Variants in MYL12B observed in about 807,000 individuals in gnomAD.
The protein encoded by MYL12B is myosin regulatory light chain 12B.
A neutral mutation model predicts 12.9 loss-of-function variants in MYL12B; 3 were observed. The ratio of observed to expected loss-of-function variants is 0.23; its 90% CI spans 0.11 to 0.60. The LOEUF (loss-of-function observed/expected upper bound fraction) is 0.60, where lower values mean the gene tolerates loss of function less well. MYL12B is among the 20% of genes least tolerant of loss of function. MYL12B has a pLI of 0.89. For synonymous variants in MYL12B, 57 were observed against 71.9 expected (o/e 0.79, Z 1.05); for missense variants, 120 against 215.4 (o/e 0.56, Z 2.77).
Position 3,277,595 on chromosome 18 carries a change from A to G in MYL12B, c.347-170A>G, listed in dbSNP as rs572040673. Among the ~76,000 whole-genome samples, 245 of 152,362 alleles carry G rather than the reference A, an allele frequency of 1.6e-3. 2 individuals are homozygous for G. Among genetic ancestry groups the G allele is most frequent in the African/African-American group, 5.5e-3 (227 of 41,580 alleles). ...CTAATATTAACACAGAACTCTAAGA[A>G]TAATTGGAAAACATAATGATATAGT... On this transcript the variant is annotated intron_variant, in intron 3 of 3. Coordinates refer to ENST00000237500, the MANE Select transcript of MYL12B (RefSeq NM_033546.4).
intron 1 of MYL12B, among the ~76,000 whole-genome samples, chr18:3,264,686 A>G (rs1235305146): frequency 1.3e-5 from 2 of 152,174 alleles, no homozygotes; most frequent in Admixed American, 6.5e-5. Context: ...CCAATAAGAG[A>G]GGTGAATTTC....
intron 2 of MYL12B, among the ~76,000 whole-genome samples, 176 bp downstream of exon 2, chr18:3,273,258 T>G (rs2081697750): frequency 6.6e-6 from 1 of 152,184 alleles, no homozygotes; most frequent in African/African-American, 2.4e-5. Context: ...GAGATAAGCC[T>G]ACAAGGTTGG....
At chr18:3,274,465 A>AT (rs1555636162) in intron 2 of MYL12B, among the ~76,000 whole-genome samples, 3 of 152,142 alleles carry the variant, frequency 2.0e-5, no homozygotes, top group African/African-American at 4.8e-5. Flanking sequence ...GAATCAGGTA[A>AT]CCCCAGAATC....
At chr18:3,270,361 C>CTA (rs1317040075) in intron 1 of MYL12B, among the ~76,000 whole-genome samples, 1 of 152,124 alleles carries the variant, frequency 6.6e-6, no homozygotes, top group Non-Finnish European at 1.5e-5. Context: ...TACATTGAGC[C>CTA]TATATCTGCT....
chr18:3,268,155 A>G (rs1001343964), intron 1 of MYL12B, among the ~76,000 whole-genome samples: 1 of 152,224 alleles, frequency 6.6e-6, no homozygotes, highest in Non-Finnish European at 1.5e-5. Context: ...TCCCCCTCAG[A>G]TAAGGAGGGA....
intron 1 of MYL12B, among the ~76,000 whole-genome samples, chr18:3,263,620 ATT>A (rs2081613090): frequency 6.6e-6 from 1 of 152,248 alleles, no homozygotes; most frequent in Admixed American, 6.5e-5. Context: ...AAAGAACAGG[ATT>A]TAGAGCCCCG....
At chr18:3,264,221 T>C (rs1294518034) in intron 1 of MYL12B, among the ~76,000 whole-genome samples, 2 of 152,240 alleles carry the variant, frequency 1.3e-5, no homozygotes, top group Non-Finnish European at 2.9e-5. Context: ...AATGAACATA[T>C]ATGTGTAATT....
chr18:3,267,179 A>G (rs1182618916), intron 1 of MYL12B, among the ~76,000 whole-genome samples: 1 of 152,228 alleles, frequency 6.6e-6, no homozygotes, highest in South Asian at 2.1e-4. Context: ...TATAGGCATC[A>G]CTTTTTTGAA....
At chr18:3,277,147 C>A in intron 2 of MYL12B, 106 bp from the exon 3 acceptor site, 2 of 1,266,390 alleles carry the variant, frequency 1.6e-6, no homozygotes, top group South Asian at 2.4e-5. Context: ...AAATTAGTTT[C>A]AAATGATGTA....
intron 1 of MYL12B, among the ~76,000 whole-genome samples, chr18:3,269,550 A>G (rs1475602785): frequency 6.6e-6 from 1 of 152,168 alleles, no homozygotes; most frequent in Non-Finnish European, 1.5e-5. Flanking sequence ...AGTTTTCAGC[A>G]TGTTGATTAT....
intron 1 of MYL12B, among the ~76,000 whole-genome samples, chr18:3,268,106 A>G (rs2081648420): frequency 6.6e-6 from 1 of 152,216 alleles, no homozygotes; most frequent in African/African-American, 2.4e-5. Flanking sequence ...GTTGGGTACT[A>G]TCCCTGGTTT....
At chr18:3,273,104 T>A in intron 2 of MYL12B, 22 bp downstream of exon 2, 1 of 1,539,882 alleles carries the variant, frequency 6.5e-7, no homozygotes, top group Non-Finnish European at 8.8e-7. Context: ...ATTCTTTATT[T>A]GTATTTTCCC....
At chr18:3,263,951 C>T (rs1482796795) in intron 1 of MYL12B, among the ~76,000 whole-genome samples, 3 of 152,182 alleles carry the variant, frequency 2.0e-5, no homozygotes, top group Non-Finnish European at 2.9e-5. Flanking sequence ...ATTTTCGTAT[C>T]TGAGAGAAGA....
At position 3,265,867 on chromosome 18, in the gene MYL12B, A is replaced by G. The variant is rs548537962; in HGVS notation, c.-16+3630A>G. Among the ~76,000 whole-genome samples, 19 of 152,198 alleles carry G rather than the reference A, an allele frequency of 1.2e-4. 1 individual carries two copies. In the South Asian group the frequency reaches 3.5e-3, roughly 28 times the overall value. ...GAAGGGTGACTCGTGCAGTAAAGAGAAGAACCTACAGAACTTGGATGGAAA... is the reference window on the plus strand; with the variant it reads ...GAAGGGTGACTCGTGCAGTAAAGAGGAGAACCTACAGAACTTGGATGGAAA... On this transcript the variant is annotated intron_variant, in intron 1 of 3. Coordinates refer to ENST00000237500, the MANE Select transcript of MYL12B (RefSeq NM_033546.4).
In MYL12B at chr18:3,278,083, C is replaced by T. The variant is rs1319017095; in HGVS notation, c.*146C>T. ...TTTGATGTATTTATTCCAGACCTTT[C>T]TGCCACTTAGCACTTGTATAATCAG... On this transcript the variant is annotated 3_prime_UTR_variant, in exon 4 of 4. Transcript: ENST00000237500. The T allele has an allele frequency of 7.2e-6, 7 of 966,096 alleles. No individual in the cohort carries two copies. Among genetic ancestry groups the T allele is most frequent in the Non-Finnish European group, 9.0e-6 (6 of 667,698 alleles). The allele number at this position is 966,096 out of a possible 1,614,324, so 59.8% of individuals were successfully genotyped here.
Sources: gnomAD v4.1 joint callset for allele counts (sites outside exome capture counted in the v4.1 genomes callset) on GRCh38, gnomAD v4.1.1 for gene constraint, MANE v1.5 for transcripts, NCBI Gene and HGNC (gene_info 2026-07-23, HGNC 2026-07-21) for gene names.